Variants in PSMA8 observed in about 807,000 individuals in gnomAD.
PSMA8 encodes the protein proteasome subunit alpha-type 8.
A neutral mutation model predicts 32.4 loss-of-function variants in PSMA8; 18 were observed. The observed-to-expected ratio is 0.56, with a 90% CI of 0.38 to 0.82. PSMA8 has a LOEUF of 0.82. Among genes scored for constraint, PSMA8 ranks in the 40% least tolerant of loss-of-function variants. PSMA8 has a pLI of 0.00. For missense variants in PSMA8, 298 were observed against 300.7 expected (o/e 0.99, Z 0.07); for synonymous variants, 104 against 98.1 (o/e 1.06, Z -0.36).
intron 3 of PSMA8, among the ~76,000 whole-genome samples, chr18:26,154,588 G>C (rs1326196530): frequency 6.6e-6 from 1 of 151,900 alleles, no homozygotes; most frequent in African/African-American, 2.4e-5. Flanking sequence ...TGCACCTTTT[G>C]TAGTTTTGGG....
chr18:26,165,601 T>G (rs1292798478), intron 4 of PSMA8, among the ~76,000 whole-genome samples: 1 of 152,052 alleles, frequency 6.6e-6, no homozygotes, highest in East Asian at 1.9e-4. Flanking sequence ...CGCTATAGGA[T>G]TCCATCATTC....
chr18:26,139,877 T>C (rs1381676888), intron 1 of PSMA8, among the ~76,000 whole-genome samples: 1 of 152,160 alleles, frequency 6.6e-6, no homozygotes, highest in East Asian at 1.9e-4. Flanking sequence ...CTAACATAGG[T>C]TTCTGTCTGT....
intron 6 of PSMA8, among the ~76,000 whole-genome samples, chr18:26,187,882 A>T (rs1423864053): frequency 6.6e-6 from 1 of 152,208 alleles, no homozygotes; most frequent in Non-Finnish European, 1.5e-5. Flanking sequence ...GATCTTCCAG[A>T]CAGAAAATCA....
At chr18:26,171,661 A>G (rs1025875819) in intron 4 of PSMA8, among the ~76,000 whole-genome samples, 4 of 152,090 alleles carry the variant, frequency 2.6e-5, no homozygotes, top group Admixed American at 2.0e-4. Flanking sequence ...TTGAACCTGG[A>G]AAGTGGTGGT....
At chr18:26,181,615 C>T (rs1192772523) in intron 6 of PSMA8, among the ~76,000 whole-genome samples, 1 of 152,040 alleles carries the variant, frequency 6.6e-6, no homozygotes, top group African/African-American at 2.4e-5. Context: ...ATTGTGAATG[C>T]AAAGGAAAAG....
At chr18:26,164,655 A>C (rs1376226762) in intron 4 of PSMA8, among the ~76,000 whole-genome samples, 1 of 152,224 alleles carries the variant, frequency 6.6e-6, no homozygotes, top group Non-Finnish European at 1.5e-5. Context: ...AAAGGCATGG[A>C]AACTTTTCTA....
intron 6 of PSMA8, among the ~76,000 whole-genome samples, chr18:26,186,889 C>T (rs1385907988): frequency 6.6e-6 from 1 of 152,222 alleles, no homozygotes; most frequent in African/African-American, 2.4e-5. Flanking sequence ...ATGAATACTA[C>T]ACTGAAAGCC....
intron 6 of PSMA8, among the ~76,000 whole-genome samples, chr18:26,179,802 T>C (rs964121137): frequency 1.3e-5 from 2 of 152,002 alleles, no homozygotes; most frequent in African/African-American, 2.4e-5. Context: ...GATTGTTTTA[T>C]ACTCAAATAT....
chr18:26,140,205 C>T (rs2054944192), intron 1 of PSMA8: 2 of 696,748 alleles, frequency 2.9e-6, no homozygotes, highest in Non-Finnish European at 5.2e-6. Flanking sequence ...AGTCCTTTGG[C>T]AGGCTGGCGT....
chr18:26,182,048 T>C (rs779015588), intron 6 of PSMA8, among the ~76,000 whole-genome samples: 13 of 152,168 alleles, frequency 8.5e-5, no homozygotes, highest in South Asian at 2.1e-4. Context: ...CTAACTTTCT[T>C]CAATTCTGTG....
chr18:26,164,967 G>A (rs935844287), intron 4 of PSMA8, among the ~76,000 whole-genome samples: 4 of 152,038 alleles, frequency 2.6e-5, no homozygotes, highest in Non-Finnish European at 5.9e-5. Flanking sequence ...ACCCAGGCTG[G>A]AGTGCAATGG....
chr18:26,136,352 A>T (rs1356567229), intron 1 of PSMA8, among the ~76,000 whole-genome samples: 2 of 152,050 alleles, frequency 1.3e-5, no homozygotes, highest in Non-Finnish European at 2.9e-5. Flanking sequence ...CCTTTCTGTG[A>T]CCCCAAACTG....
chr18:26,170,379 G>A (rs1598661737), intron 4 of PSMA8, among the ~76,000 whole-genome samples: 1 of 131,370 alleles, frequency 7.6e-6, no homozygotes, highest in Non-Finnish European at 1.5e-5. Context: ...TAGTGAAACT[G>A]CTCAGTTGAA....
At chr18:26,192,226 T>C in intron 6 of PSMA8, 93 bp from the exon 7 acceptor site, 1 of 1,062,908 alleles carries the variant, frequency 9.4e-7, no homozygotes, top group East Asian at 3.4e-5. Context: ...ACATAGAAAG[T>C]ATAAATTTAT....
rs1383261514 is a variant in PSMA8 at position 26,184,089 on chromosome 18, C to G, written c.660+4959C>G. Among the ~76,000 whole-genome samples, 2 of 150,754 alleles carry G rather than the reference C, an allele frequency of 1.3e-5. 1 individual carries two copies. Among genetic ancestry groups the G allele is most frequent in the Non-Finnish European group, 3.0e-5 (2 of 67,794 alleles). ...TCAATAGACTACAGTATAGTGTAAA[C>G]ATAACTTTAATATGCACTGGGAAAC... On this transcript the variant is annotated intron_variant, in intron 6 of 6. Coordinates refer to ENST00000415576, the MANE Select transcript of PSMA8 (RefSeq NM_001025096.2).
chr18:26,146,923 C>T (rs2055007982), intron 2 of PSMA8, among the ~76,000 whole-genome samples: 1 of 152,104 alleles, frequency 6.6e-6, no homozygotes, highest in Non-Finnish European at 1.5e-5. Flanking sequence ...TGGGCGGCCT[C>T]AGTAAGCTTT....
At chr18:26,155,615 CCT>C (rs1166413740) in intron 3 of PSMA8, among the ~76,000 whole-genome samples, 2 of 152,108 alleles carry the variant, frequency 1.3e-5, no homozygotes, top group African/African-American at 4.8e-5. Context: ...TGAAATGAAA[CCT>C]CTGTCTCTCT....
At chr18:26,149,570 T>G (rs2055029253) in intron 2 of PSMA8, among the ~76,000 whole-genome samples, 1 of 152,206 alleles carries the variant, frequency 6.6e-6, no homozygotes, top group Non-Finnish European at 1.5e-5. Flanking sequence ...CATGACTGGC[T>G]TAATGAAAGA....
At chr18:26,174,139 T>C (rs1261325897) in intron 4 of PSMA8, among the ~76,000 whole-genome samples, 1 of 152,210 alleles carries the variant, frequency 6.6e-6, no homozygotes, top group African/African-American at 2.4e-5. Flanking sequence ...TCCTATATTT[T>C]AGAGTGAAAA....
Sources: gnomAD v4.1 joint callset for allele counts (sites outside exome capture counted in the v4.1 genomes callset) on GRCh38, gnomAD v4.1.1 for gene constraint, MANE v1.5 for transcripts, NCBI Gene and HGNC (gene_info 2026-07-23, HGNC 2026-07-21) for gene names.